Variants in MPRIP observed in about 807,000 individuals in gnomAD.
The protein encoded by MPRIP is myosin phosphatase Rho interacting protein, also known as myosin phosphatase Rho-interacting protein.
MPRIP carries 59 observed loss-of-function variants against 234.9 expected under a neutral mutation model. The ratio of observed to expected loss-of-function variants is 0.25; its 90% CI spans 0.20 to 0.31. MPRIP has a LOEUF of 0.31. Among genes scored for constraint, MPRIP ranks in the 10% least tolerant of loss-of-function variants. The probability of loss-of-function intolerance (pLI) is 1.00; values close to 1 mark genes in which losing one functional copy is unlikely to be tolerated. For synonymous variants in MPRIP, 1,144 were observed against 1,263.9 expected (o/e 0.91, Z 2.01); for missense variants, 2,436 against 3,071.0 (o/e 0.79, Z 4.89).
At chr17:17,125,351 C>G (rs943425956) in intron 3 of MPRIP, among the ~76,000 whole-genome samples, 11 of 152,348 alleles carry the variant, frequency 7.2e-5, no homozygotes, top group South Asian at 4.1e-4. Flanking sequence ...CTGAGCTGGA[C>G]CCACGGGGGA....
intron 12 of MPRIP, among the ~76,000 whole-genome samples, chr17:17,153,539 G>A (rs1259022364): frequency 2.0e-5 from 3 of 151,578 alleles, no homozygotes; most frequent in African/African-American, 7.3e-5. Flanking sequence ...TGTCCTACCT[G>A]CTGCCCCGTT....
intron 1 of MPRIP, among the ~76,000 whole-genome samples, chr17:17,054,119 A>G (rs2088622834): frequency 1.3e-5 from 2 of 152,246 alleles, no homozygotes; most frequent in Admixed American, 1.3e-4. Flanking sequence ...CATGTGAGCT[A>G]TTATATACAT....
chr17:17,145,842 A>G (rs948441705), intron 9 of MPRIP, among the ~76,000 whole-genome samples, 194 bp from the exon 10 acceptor site: 1 of 152,170 alleles, frequency 6.6e-6, no homozygotes, highest in African/African-American at 2.4e-5. Flanking sequence ...TCCTTCCTCA[A>G]GGTCGCGTGT....
In MPRIP at chr17:17,167,726, C is replaced by G. The variant is rs1268801864; in HGVS notation, c.6135C>G (p.Ala2045=). The change falls in exon 16 of 24, where the codon GCC becomes GCG. Residue 2045 remains alanine, a synonymous_variant. Transcript: ENST00000651222. The surrounding 1 kb of genome is among the most constrained non-coding windows in gnomAD (Gnocchi z 5.9). ...LCLHQGPHPK[A]LPAPAPNWQA... ...TCCACCAGGGGCCACACCCCAAGGC[C>G]CTGCCAGCCCCTGCCCCCAACTGGC... The G allele has an allele frequency of 1.5e-6, 2 of 1,304,046 alleles. No individual in the cohort carries two copies. Among genetic ancestry groups the G allele is most frequent in the Non-Finnish European group, 2.0e-6 (2 of 988,962 alleles). The allele number at this position is 1,304,046 out of a possible 1,614,324, so 80.8% of individuals were successfully genotyped here.
At chr17:17,051,837 G>T (rs1355836545) in intron 1 of MPRIP, among the ~76,000 whole-genome samples, 2 of 152,244 alleles carry the variant, frequency 1.3e-5, no homozygotes, top group Non-Finnish European at 2.9e-5. Flanking sequence ...TGAAACCACA[G>T]CCTGGTTTTT....
At chr17:17,083,590 T>G (rs1032736953) in intron 3 of MPRIP, among the ~76,000 whole-genome samples, 1 of 152,054 alleles carries the variant, frequency 6.6e-6, no homozygotes, top group African/African-American at 2.4e-5. Context: ...TCATTTGAGG[T>G]TTCTCTCCCT....
intron 1 of MPRIP, among the ~76,000 whole-genome samples, chr17:17,049,235 G>A (rs2088454527): frequency 6.6e-6 from 1 of 152,170 alleles, no homozygotes; most frequent in Admixed American, 6.5e-5. Context: ...CTATTTTGGG[G>A]GTGATGAAAT....
At chr17:17,157,564 G>C (rs1393381542) in intron 13 of MPRIP, among the ~76,000 whole-genome samples, 1 of 152,228 alleles carries the variant, frequency 6.6e-6, no homozygotes, top group African/African-American at 2.4e-5. Context: ...GCTGGGCACA[G>C]TAGCTCACGC....
intron 3 of MPRIP, among the ~76,000 whole-genome samples, chr17:17,089,659 T>A (rs1298371811): frequency 6.6e-6 from 1 of 151,970 alleles, no homozygotes; most frequent in African/African-American, 2.4e-5. Flanking sequence ...AAGTAGGACT[T>A]GTGGGGGTGC....
chr17:17,052,083 G>C (rs1567681869), intron 1 of MPRIP, among the ~76,000 whole-genome samples: 1 of 152,356 alleles, frequency 6.6e-6, no homozygotes, highest in Non-Finnish European at 1.5e-5. Context: ...CTCCCTCGGA[G>C]GAGGGGACCC....
Position 17,138,205 on chromosome 17 carries a change from C to T in MPRIP, c.1026C>T (p.Ala342=). 1.2e-6 allele frequency: 1 copy of T among 806,942 alleles called. No homozygotes were observed. The highest frequency in any genetic ancestry group is 1.9e-6 in the Non-Finnish European group (1 of 528,080). The allele number at this position is 806,942 out of a possible 1,614,324, so 50.0% of individuals were successfully genotyped here. The change falls in exon 7 of 24, where the codon GCC becomes GCT. Residue 342 remains alanine, a synonymous_variant. Transcript: ENST00000651222. The surrounding 1 kb of genome is among the most constrained non-coding windows in gnomAD (Gnocchi z 5.8). ...TGGATGTGGCCAGCCAGCCACCTGC[C>T]TACGTGGACTCTGGCAGCACTAGGG... ...SSLDVASQPP[A]YVDSGSTRGR...
At chr17:17,124,091 A>G (rs897892023) in intron 3 of MPRIP, among the ~76,000 whole-genome samples, 20 of 152,332 alleles carry the variant, frequency 1.3e-4, no homozygotes, top group South Asian at 4.1e-4. Context: ...CTCACTTTGC[A>G]CATGAGGAAA....
At chr17:17,159,424 T>G (rs1234276326) in intron 14 of MPRIP, among the ~76,000 whole-genome samples, 1 of 152,218 alleles carries the variant, frequency 6.6e-6, no homozygotes, top group African/African-American at 2.4e-5. Context: ...TTACAGTGGC[T>G]TGGGGACGGC....
intron 3 of MPRIP, among the ~76,000 whole-genome samples, chr17:17,106,850 TA>T (rs1391127699): frequency 1.3e-5 from 2 of 152,314 alleles, no homozygotes; most frequent in Admixed American, 1.3e-4. Flanking sequence ...AAAGCTCCCA[TA>T]ACAAGTTGGA....
At chr17:17,088,092 G>T (rs1233208206) in intron 3 of MPRIP, among the ~76,000 whole-genome samples, 1 of 152,212 alleles carries the variant, frequency 6.6e-6, no homozygotes, top group East Asian at 1.9e-4. Context: ...GCTGAAGAGG[G>T]GTTCCACCTG....
chr17:17,168,808 G>A (rs2046065355), intron 16 of MPRIP: 2 of 454,920 alleles, frequency 4.4e-6, no homozygotes, highest in South Asian at 1.6e-5. Flanking sequence ...TTCAGGTGGT[G>A]CCTTCCACGC....
At chr17:17,156,661 T>A (rs1341286270) in intron 13 of MPRIP, among the ~76,000 whole-genome samples, 1 of 152,188 alleles carries the variant, frequency 6.6e-6, no homozygotes, top group East Asian at 1.9e-4. Context: ...CGGCCGGTTC[T>A]GGTGTGGCTG....
At chr17:17,090,775 C>T (rs1255688794) in intron 3 of MPRIP, among the ~76,000 whole-genome samples, 2 of 152,102 alleles carry the variant, frequency 1.3e-5, no homozygotes, top group South Asian at 2.1e-4. Flanking sequence ...TTTTTCTGGG[C>T]GATCTGGGGG....
At chr17:17,126,232 C>T (rs959820637) in intron 3 of MPRIP, among the ~76,000 whole-genome samples, 7 of 152,202 alleles carry the variant, frequency 4.6e-5, no homozygotes, top group African/African-American at 1.7e-4. Flanking sequence ...GCTCCTTGGC[C>T]GCCTCTAAAG....
Sources: gnomAD v4.1 joint callset for allele counts (sites outside exome capture counted in the v4.1 genomes callset) on GRCh38, gnomAD v4.1.1 for gene constraint, Gnocchi (gnomAD v3.1) non-coding constraint, MANE v1.5 for transcripts, NCBI Gene and HGNC (gene_info 2026-07-23, HGNC 2026-07-21) for gene names.